The following SLC27A2 variants were observed in gnomAD, a reference collection of about 807,000 sequenced individuals.
SLC27A2 encodes long-chain fatty acid transport protein 2.
Under a neutral mutation model 60.0 loss-of-function variants are expected in SLC27A2, and 54 were observed. The ratio of observed to expected loss-of-function variants is 0.90; its 90% CI spans 0.72 to 1.13. SLC27A2 has a LOEUF of 1.13. Among genes scored for constraint, SLC27A2 ranks in the 50% most tolerant of loss-of-function variants. SLC27A2 has a pLI of 0.00. For missense variants in SLC27A2, 739 were observed against 777.6 expected (o/e 0.95, Z 0.59); for synonymous variants, 297 against 297.6 (o/e 1.00, Z 0.02).
At chr15:50,197,806 G>A (rs1057347042) in intron 2 of SLC27A2, 97 bp downstream of exon 2, 6 of 791,714 alleles carry the variant, frequency 7.6e-6, no homozygotes, top group Non-Finnish European at 1.3e-5. Flanking sequence ...AACGTATTGG[G>A]TAACTAATAC....
chr15:50,218,760 A>G (rs2045220827), intron 4 of SLC27A2, among the ~76,000 whole-genome samples: 1 of 152,202 alleles, frequency 6.6e-6, no homozygotes, highest in African/African-American at 2.4e-5. Context: ...ACTAAAGAAA[A>G]TATTCCATCC....
chr15:50,191,574 C>T (rs549958221), intron 1 of SLC27A2, among the ~76,000 whole-genome samples: 1 of 152,226 alleles, frequency 6.6e-6, no homozygotes, highest in South Asian at 2.1e-4. Context: ...ATGTCTCCCT[C>T]TATCCAGTCT....
In SLC27A2 at chr15:50,223,117, G is replaced by A. The variant is rs185555177; in HGVS notation, c.1125G>A (p.Ala375=). 32 of 1,613,772 alleles carry A rather than the reference G, an allele frequency of 2.0e-5. No homozygotes were observed. In the African/African-American group the frequency reaches 2.3e-4, roughly 11 times the overall value. ...TEGNIGFMNY[A]RKVGAVGRVN... ...GCAATATTGGATTTATGAATTATGC[G>A]AGAAAAGTTGGTGCTGTTGGAAGAG... The change falls in exon 5 of 10, where the codon GCG becomes GCA. Residue 375 remains alanine, a synonymous_variant. Coordinates refer to ENST00000267842, the MANE Select transcript of SLC27A2 (RefSeq NM_003645.4).
intron 1 of SLC27A2, among the ~76,000 whole-genome samples, chr15:50,193,257 C>A (rs1220249541): frequency 6.6e-6 from 1 of 152,184 alleles, no homozygotes; most frequent in African/African-American, 2.4e-5. Context: ...ACCTGCTCCC[C>A]AAATACCTTC....
At chr15:50,220,158 T>C (rs781236111) in intron 4 of SLC27A2, among the ~76,000 whole-genome samples, 8 of 152,180 alleles carry the variant, frequency 5.3e-5, no homozygotes, top group Non-Finnish European at 1.0e-4. Context: ...CCCATGGTGT[T>C]GTGATTATGA....
chr15:50,235,862 C>T lies in SLC27A2; in HGVS notation c.1687-58C>T. ...CCATGCCCCACCCCTACCCCTTGCT[C>T]TGCATCCTAATCTATTGCAAAATGC... On this transcript the variant is annotated intron_variant, in intron 9 of 9. Transcript: ENST00000267842. The T allele has an allele frequency of 2.1e-6, 3 of 1,437,440 alleles. No homozygotes were observed. In the Admixed American group the frequency reaches 5.5e-5, roughly 26 times the overall value. 89.0% of individuals were successfully genotyped at this position (1,437,440 alleles called of 1,614,324 possible). A position where few individuals can be genotyped will look rare whatever the true frequency, so the allele number is the denominator to read the frequency against.
At chr15:50,222,320 C>T (rs764710913) in intron 4 of SLC27A2, among the ~76,000 whole-genome samples, 6 of 152,200 alleles carry the variant, frequency 3.9e-5, no homozygotes, top group Non-Finnish European at 7.3e-5. Flanking sequence ...ACACTGGAGT[C>T]TACCTGTTAA....
At chr15:50,201,703 C>A (rs1016627751) in intron 2 of SLC27A2, among the ~76,000 whole-genome samples, 1 of 151,942 alleles carries the variant, frequency 6.6e-6, no homozygotes, top group Non-Finnish European at 1.5e-5. Context: ...CTATAGGCAC[C>A]CACCACCACG....
chr15:50,182,401 G>T lies in SLC27A2; in HGVS notation c.-27G>T, dbSNP rs374858847. The T allele has an allele frequency of 2.7e-5, 43 of 1,565,948 alleles. 1 individual carries two copies. The highest frequency in any genetic ancestry group is 3.6e-4 in the Middle Eastern group (2 of 5,484). ...CGCCCGGGGTGAACCCTCTGCCCTC[G>T]CTGGGACAGAGGGCCCCGCAGCCGT... On this transcript the variant is annotated 5_prime_UTR_variant, in exon 1 of 10. Coordinates refer to ENST00000267842, the MANE Select transcript of SLC27A2 (RefSeq NM_003645.4).
At chr15:50,201,787 C>T (rs1390509383) in intron 2 of SLC27A2, among the ~76,000 whole-genome samples, 2 of 151,930 alleles carry the variant, frequency 1.3e-5, no homozygotes, top group Non-Finnish European at 2.9e-5. Context: ...GATCTCCTGA[C>T]CTTGTGATCC....
chr15:50,210,360 C>T (rs980394718), intron 4 of SLC27A2, among the ~76,000 whole-genome samples: 9 of 152,276 alleles, frequency 5.9e-5, no homozygotes, highest in African/African-American at 9.6e-5. Flanking sequence ...CCTCATCTCC[C>T]GAACACATAC....
chr15:50,184,034 A>G (rs1455371594), intron 1 of SLC27A2, among the ~76,000 whole-genome samples: 1 of 97,100 alleles, frequency 1.0e-5, no homozygotes, highest in Non-Finnish European at 2.0e-5. Flanking sequence ...TCTGTTGCCC[A>G]GGCTGGAGTG....
chr15:50,225,043 T>G (rs1595691829), intron 5 of SLC27A2, among the ~76,000 whole-genome samples: 2 of 152,340 alleles, frequency 1.3e-5, no homozygotes, highest in South Asian at 4.1e-4. Flanking sequence ...ATGCAATTGA[T>G]GTAGAAAAGA....
At chr15:50,228,059 A>G (rs2045289428) in intron 7 of SLC27A2, among the ~76,000 whole-genome samples, 1 of 152,176 alleles carries the variant, frequency 6.6e-6, no homozygotes, top group Admixed American at 6.5e-5. Context: ...CATGTTATTA[A>G]GATGATACTT....
intron 2 of SLC27A2, 23 bp from the exon 3 acceptor site, chr15:50,202,464 C>T (rs1186045851): frequency 1.9e-6 from 3 of 1,613,224 alleles, no homozygotes; most frequent in South Asian, 2.2e-5. Context: ...TTAACTCATG[C>T]CTTCTCTTGT....
chr15:50,232,214 G>A (rs902785531), intron 8 of SLC27A2, among the ~76,000 whole-genome samples: 1 of 152,202 alleles, frequency 6.6e-6, no homozygotes, highest in African/African-American at 2.4e-5. Flanking sequence ...AGAATTTCCA[G>A]GTTTGGGCCT....
At chr15:50,200,920 T>C (rs1455814915) in intron 2 of SLC27A2, among the ~76,000 whole-genome samples, 3 of 152,200 alleles carry the variant, frequency 2.0e-5, no homozygotes, top group Admixed American at 1.3e-4. Context: ...CACTCATGTA[T>C]TGCTGATAGG....
rs566584493 is a variant in SLC27A2, at chr15:50,206,032, T to C, written c.972+669T>C. 8.1e-4 allele frequency among the ~76,000 whole-genome samples: 123 copies of C among 152,318 alleles called. 3 individuals carry two copies. In the South Asian group the frequency reaches 0.024, roughly 30 times the overall value. ...GCAGATGTTCAGCTCTCGATGGGGT[T>C]GTTCTCAAGAGCTCCTCCTGCCCAG... On this transcript the variant is annotated intron_variant, in intron 4 of 9. Coordinates refer to ENST00000267842, the MANE Select transcript of SLC27A2 (RefSeq NM_003645.4).
chr15:50,206,926 G>A (rs1220189188), intron 4 of SLC27A2, among the ~76,000 whole-genome samples: 3 of 152,314 alleles, frequency 2.0e-5, no homozygotes, highest in Admixed American at 2.0e-4. Flanking sequence ...ATCATCATTA[G>A]CAGTGAGTTG....
Sources: gnomAD v4.1 joint callset for allele counts (sites outside exome capture counted in the v4.1 genomes callset) on GRCh38, gnomAD v4.1.1 for gene constraint, MANE v1.5 for transcripts, NCBI Gene and HGNC (gene_info 2026-07-23, HGNC 2026-07-21) for gene names.